Variants in SLC4A4 observed in about 807,000 individuals in gnomAD.
SLC4A4 encodes the protein solute carrier family 4 member 4, also known as electrogenic sodium bicarbonate cotransporter 1.
A neutral mutation model predicts 111.5 loss-of-function variants in SLC4A4; 27 were observed. That is an observed-to-expected ratio of 0.24 (90% confidence interval 0.18 to 0.33). The LOEUF is 0.33. SLC4A4 is among the 10% of genes least tolerant of loss of function. The pLI is 1.00. For synonymous variants in SLC4A4, 443 were observed against 463.4 expected, an observed-to-expected ratio of 0.96 and a Z score of 0.57; for missense variants, 909 against 1,315.5, an observed-to-expected ratio of 0.69 and a Z score of 4.78.
Position 71,166,435 on chromosome 4 carries a change from G to A in SLC4A4, c.-1-70141G>A, listed in dbSNP as rs555171163. On this transcript the variant is annotated intron_variant, in intron 2 of 26. Coordinates refer to the SLC4A4 transcript ENST00000649996. The stretch of plus-strand genomic sequence containing the variant: ...TTAGTTCACAGGTCTCATAAGAAAG[G>A]TGAAGAGAAAATATGGGGTGTTAAT... Among the ~76,000 whole-genome samples the A allele has an allele frequency of 2.6e-5, 4 of 152,300 alleles. No individual in the cohort carries two copies. The South Asian group carries it at 6.2e-4, about 24-fold the overall frequency.
At chr4:71,450,968 T>G (rs1023032974) in intron 10 of SLC4A4, among the ~76,000 whole-genome samples, 36 of 152,220 alleles carry the variant, frequency 2.4e-4, no homozygotes, top group Non-Finnish European at 1.0e-4. Flanking sequence ...TTTCCCTCTT[T>G]TAAGACATAC....
chr4:71,089,808 C>G (rs1263529672), intron 1 of SLC4A4, among the ~76,000 whole-genome samples: 1 of 151,992 alleles, frequency 6.6e-6, no homozygotes, highest in Non-Finnish European at 1.5e-5. Context: ...TCTGCCCCTA[C>G]TGGGGGGTGC....
chr4:71,486,052 A>G (rs1291702359), intron 14 of SLC4A4, among the ~76,000 whole-genome samples: 1 of 151,570 alleles, frequency 6.6e-6, no homozygotes, highest in African/African-American at 2.4e-5. Context: ...GTAGGGATCA[A>G]ACAGTAGCTA....
chr4:71,545,210 G>T (rs1678873655), intron 18 of SLC4A4, among the ~76,000 whole-genome samples: 1 of 151,958 alleles, frequency 6.6e-6, no homozygotes, highest in Admixed American at 6.6e-5. Context: ...TAGCTCCCTT[G>T]CCTGTGATGA....
chr4:71,395,007 C>T (rs1476293082), intron 6 of SLC4A4, among the ~76,000 whole-genome samples: 3 of 152,096 alleles, frequency 2.0e-5, no homozygotes, highest in Non-Finnish European at 4.4e-5. Context: ...ATCAAAATCT[C>T]ACAAATCATC....
chr4:71,173,611 G>A (rs543878452), intron 2 of SLC4A4, among the ~76,000 whole-genome samples: 20 of 152,226 alleles, frequency 1.3e-4, no homozygotes, highest in East Asian at 1.2e-3. Context: ...TCCTGACCTC[G>A]TGATCTGCCT....
chr4:71,441,004 G>A (rs1040707713), intron 8 of SLC4A4, among the ~76,000 whole-genome samples: 2 of 152,044 alleles, frequency 1.3e-5, no homozygotes, highest in Non-Finnish European at 1.5e-5. Flanking sequence ...TCTTCTTTTG[G>A]ATTATTCTAC....
chr4:71,485,177 T>G (rs1022881854), intron 14 of SLC4A4, among the ~76,000 whole-genome samples: 1 of 151,836 alleles, frequency 6.6e-6, no homozygotes, highest in African/African-American at 2.4e-5. Flanking sequence ...AATACTATGT[T>G]GAATAGGAGT....
At chr4:71,495,099 A>G (rs987194995) in intron 15 of SLC4A4, among the ~76,000 whole-genome samples, 25 of 152,042 alleles carry the variant, frequency 1.6e-4, no homozygotes, top group African/African-American at 5.6e-4. Flanking sequence ...AAGTTTCTGG[A>G]TAGTGATACA....
intron 2 of SLC4A4, among the ~76,000 whole-genome samples, chr4:71,106,728 T>A (rs1214256651): frequency 1.2e-4 from 16 of 134,876 alleles, no homozygotes; most frequent in African/African-American, 4.2e-4. Flanking sequence ...AACAATGAGA[T>A]CACATGGACA....
At chr4:71,155,599 A>G (rs1219803288) in intron 2 of SLC4A4, among the ~76,000 whole-genome samples, 2 of 152,106 alleles carry the variant, frequency 1.3e-5, no homozygotes, top group Non-Finnish European at 2.9e-5. Flanking sequence ...AGTAGCTGGG[A>G]CTACAGGTGC....
chr4:71,342,353 A>C (rs1728966032), intron 4 of SLC4A4, among the ~76,000 whole-genome samples: 1 of 152,194 alleles, frequency 6.6e-6, no homozygotes, highest in African/African-American at 2.4e-5. Flanking sequence ...TTTCTGATAG[A>C]AAAATACAGT....
At chr4:71,437,151 AG>A (rs537469337) in intron 7 of SLC4A4, 9 of 457,868 alleles carry the variant, frequency 2.0e-5, no homozygotes, top group African/African-American at 1.4e-4. Context: ...GATCCGTCAG[AG>A]GGATGCCAGC....
intron 2 of SLC4A4, among the ~76,000 whole-genome samples, chr4:71,163,832 A>G (rs1299106700): frequency 2.0e-5 from 3 of 152,254 alleles, no homozygotes; most frequent in African/African-American, 7.2e-5. Context: ...AACATTTACT[A>G]TCTGACTCTT....
intron 18 of SLC4A4, among the ~76,000 whole-genome samples, chr4:71,535,799 C>T (rs1734360120): frequency 6.6e-6 from 1 of 151,926 alleles, no homozygotes. Context: ...CAAGGCAGTT[C>T]ATAAAGCACG....
chr4:71,115,440 G>A (rs1214791174), intron 2 of SLC4A4, among the ~76,000 whole-genome samples: 9 of 152,086 alleles, frequency 5.9e-5, no homozygotes, highest in Admixed American at 5.2e-4. Flanking sequence ...AAACCCAGCT[G>A]AGCAAAGTCA....
chr4:71,277,697 T>C (rs1420201400), intron 3 of SLC4A4, among the ~76,000 whole-genome samples: 3 of 151,860 alleles, frequency 2.0e-5, no homozygotes. Flanking sequence ...GCTCTGTCTT[T>C]TTCTGTTGAG....
At chr4:71,352,022 G>A (rs551452612) in intron 5 of SLC4A4, among the ~76,000 whole-genome samples, 140 of 152,122 alleles carry the variant, frequency 9.2e-4, no homozygotes, top group Non-Finnish European at 1.2e-3. Flanking sequence ...GGTACCCAGG[G>A]AGATCGGAAC....
chr4:71,267,990 G>C (rs1327179313), intron 3 of SLC4A4, among the ~76,000 whole-genome samples: 1 of 148,820 alleles, frequency 6.7e-6, no homozygotes, highest in South Asian at 2.1e-4. Context: ...TTTATCTGCA[G>C]AACCACTCCC....
Sources: gnomAD v4.1 joint callset for allele counts (sites outside exome capture counted in the v4.1 genomes callset) on GRCh38, gnomAD v4.1.1 for gene constraint, MANE v1.5 for transcripts, NCBI Gene and HGNC (gene_info 2026-07-23, HGNC 2026-07-21) for gene names.